SLC20A2: variants seen among roughly 807,000 people sequenced by gnomAD.
SLC20A2 encodes sodium-dependent phosphate transporter 2.
In SLC20A2, 30 loss-of-function variants were observed where a neutral mutation model predicts 61.0. That is an observed-to-expected ratio of 0.49 (90% confidence interval 0.37 to 0.67). SLC20A2 has a LOEUF of 0.67. SLC20A2 is among the 30% of genes least tolerant of loss of function. The pLI is 0.00. For synonymous variants in SLC20A2, 351 were observed against 353.3 expected, an observed-to-expected ratio of 0.99 and a Z score of 0.07; for missense variants, 626 against 866.4, an observed-to-expected ratio of 0.72 and a Z score of 3.48.
chr8:42,424,986 C>T (rs1157420362), intron 10 of SLC20A2, among the ~76,000 whole-genome samples: 1 of 152,136 alleles, frequency 6.6e-6, no homozygotes, highest in Non-Finnish European at 1.5e-5. Context: ...GCGGAGGTCG[C>T]AGTGAGCCAA....
intron 1 of SLC20A2, among the ~76,000 whole-genome samples, chr8:42,484,389 A>G (rs985177580): frequency 1.3e-5 from 2 of 152,250 alleles, no homozygotes; most frequent in African/African-American, 4.8e-5. Context: ...GGAGACTGAG[A>G]GTGAAATCTT....
chr8:42,493,558 C>T (rs989191337), intron 1 of SLC20A2, among the ~76,000 whole-genome samples: 1 of 152,166 alleles, frequency 6.6e-6, no homozygotes, highest in South Asian at 2.1e-4. Flanking sequence ...AATCATAACA[C>T]CAGAAGTGTT....
chr8:42,426,869 T>G, intron 10 of SLC20A2, among the ~76,000 whole-genome samples: 1 of 152,208 alleles, frequency 6.6e-6, no homozygotes, highest in Non-Finnish European at 1.5e-5. Flanking sequence ...CATAAGCCCG[T>G]GTCCTTGGAA....
chr8:42,419,958 C>T (rs1195110576), intron 10 of SLC20A2, among the ~76,000 whole-genome samples: 5 of 152,106 alleles, frequency 3.3e-5, no homozygotes, highest in Non-Finnish European at 7.3e-5. Context: ...GAGGCCAAGG[C>T]GGGCGGATAC....
At chr8:42,427,028 A>G (rs931398800) in intron 10 of SLC20A2, among the ~76,000 whole-genome samples, 1 of 152,216 alleles carries the variant, frequency 6.6e-6, no homozygotes, top group African/African-American at 2.4e-5. Context: ...TTCTCTGGTA[A>G]GTTTTAAATA....
chr8:42,519,715 C>T (rs1206368484), intron 1 of SLC20A2, among the ~76,000 whole-genome samples: 3 of 152,158 alleles, frequency 2.0e-5, no homozygotes, highest in Non-Finnish European at 2.9e-5. Flanking sequence ...TGCCTGTCTC[C>T]CATCCATAAC....
chr8:42,528,188 G>A (rs950968844), intron 1 of SLC20A2, among the ~76,000 whole-genome samples: 1 of 152,144 alleles, frequency 6.6e-6, no homozygotes. Flanking sequence ...ATGACAGGGC[G>A]CGGTGGCTCA....
At chr8:42,470,374 T>C (rs1807532095) in intron 2 of SLC20A2, among the ~76,000 whole-genome samples, 1 of 151,952 alleles carries the variant, frequency 6.6e-6, no homozygotes, top group Non-Finnish European at 1.5e-5. Flanking sequence ...TGTGCCACCA[T>C]GCCCAGCTAA....
intron 1 of SLC20A2, among the ~76,000 whole-genome samples, chr8:42,509,860 A>C (rs1377133161): frequency 1.3e-5 from 2 of 152,360 alleles, no homozygotes; most frequent in African/African-American, 4.8e-5. Flanking sequence ...ATACCACCTT[A>C]TGTGATATAT....
At chr8:42,442,519 T>A (rs1030330507) in intron 6 of SLC20A2, among the ~76,000 whole-genome samples, 5 of 152,238 alleles carry the variant, frequency 3.3e-5, no homozygotes, top group African/African-American at 1.2e-4. Flanking sequence ...ATTTGCCACA[T>A]TAGTGTGGGT....
At chr8:42,491,887 G>T (rs1809542927) in intron 1 of SLC20A2, among the ~76,000 whole-genome samples, 1 of 152,072 alleles carries the variant, frequency 6.6e-6, no homozygotes. Flanking sequence ...TACTCACTTG[G>T]TGTGCAGGAG....
chr8:42,439,370 C>T (rs1276865768), intron 7 of SLC20A2, 80 bp downstream of exon 7: 3 of 1,382,632 alleles, frequency 2.2e-6, no homozygotes, highest in East Asian at 4.7e-5. Flanking sequence ...ACCAGATTGC[C>T]CACACCCAGG....
chr8:42,520,650 C>T (rs1231018976), intron 1 of SLC20A2, among the ~76,000 whole-genome samples: 2 of 116,046 alleles, frequency 1.7e-5, no homozygotes, highest in African/African-American at 2.6e-5. Flanking sequence ...GGCGTGAACC[C>T]GGGAGGCGGA....
At chr8:42,516,122 T>C (rs1032744754) in intron 1 of SLC20A2, among the ~76,000 whole-genome samples, 1 of 152,224 alleles carries the variant, frequency 6.6e-6, no homozygotes, top group African/African-American at 2.4e-5. Flanking sequence ...CTCTCTAAAG[T>C]AACCAAAATG....
intron 1 of SLC20A2, among the ~76,000 whole-genome samples, chr8:42,539,708 T>C (rs930221507): frequency 6.6e-6 from 1 of 152,202 alleles, no homozygotes; most frequent in Admixed American, 6.5e-5. Context: ...AAATTAAATA[T>C]GGAAAGAGGG....
intron 7 of SLC20A2, among the ~76,000 whole-genome samples, chr8:42,438,751 CTG>C (rs973361964): frequency 3.3e-5 from 5 of 152,098 alleles, no homozygotes; most frequent in Non-Finnish European, 5.9e-5. Flanking sequence ...GAATCTCACT[CTG>C]TTGCCCAGGC....
intron 3 of SLC20A2, 95 bp from the exon 4 acceptor site, chr8:42,463,185 T>C: frequency 1.5e-6 from 1 of 688,786 alleles, no homozygotes. Flanking sequence ...ATGTATTACA[T>C]ACATTCATAA....
chr8:42,454,609 A>T (rs1440855190), intron 5 of SLC20A2, among the ~76,000 whole-genome samples: 1 of 147,854 alleles, frequency 6.8e-6, no homozygotes, highest in Non-Finnish European at 1.5e-5. Context: ...GAACTTCAAG[A>T]TCCTTACACA....
chr8:42,541,778 C>T (rs1267808341), intron 1 of SLC20A2: 2 of 150,276 alleles, frequency 1.3e-5, no homozygotes, highest in South Asian at 2.1e-4. Flanking sequence ...CCCGCGCCGC[C>T]CGCCCCGCCC....
Sources: allele counts gnomAD v4.1 joint callset (sites outside exome capture counted in the v4.1 genomes callset), GRCh38; gene constraint gnomAD v4.1.1; transcripts MANE v1.5; gene names NCBI Gene and HGNC (gene_info 2026-07-23, HGNC 2026-07-21).